NFU1: variants seen among roughly 807,000 people sequenced by gnomAD.
The protein encoded by NFU1 is NFU1 iron-sulfur cluster scaffold, also known as NFU1 iron-sulfur cluster scaffold homolog, mitochondrial.
Under a neutral mutation model 32.2 loss-of-function variants are expected in NFU1, and 30 were observed. The ratio of observed to expected loss-of-function variants is 0.93; its 90% CI spans 0.70 to 1.26. The LOEUF (loss-of-function observed/expected upper bound fraction) is 1.26. NFU1 is among the 50% of genes most tolerant of loss of function. NFU1 has a pLI of 0.00. For synonymous variants in NFU1, 112 were observed against 104.6 expected, an observed-to-expected ratio of 1.07 and a Z score of -0.43; for missense variants, 306 against 306.6, an observed-to-expected ratio of 1.00 and a Z score of 0.02.
intron 6 of NFU1, among the ~76,000 whole-genome samples, chr2:69,403,392 AT>A (rs199867879): frequency 4.9e-4 from 71 of 144,086 alleles, no homozygotes; most frequent in African/African-American, 9.1e-4. Context: ...GGTTTGATTC[AT>A]TTTTTTTTTT....
chr2:69,397,519 T>C (rs750684187), intron 7 of NFU1, among the ~76,000 whole-genome samples: 2 of 152,066 alleles, frequency 1.3e-5, no homozygotes, highest in African/African-American at 2.4e-5. Flanking sequence ...CCCTGGACAA[T>C]TGAATAAAAA....
chr2:69,413,012 C>T (rs986863722), intron 5 of NFU1, among the ~76,000 whole-genome samples: 2 of 151,848 alleles, frequency 1.3e-5, no homozygotes, highest in Admixed American at 1.3e-4. Context: ...AACAAGATAC[C>T]GGCCAGGCTC....
chr2:69,432,947 C>T (rs1381581364), intron 1 of NFU1, among the ~76,000 whole-genome samples: 4 of 151,742 alleles, frequency 2.6e-5, no homozygotes, highest in South Asian at 4.2e-4. Context: ...GTCAGGAGTT[C>T]GAGACGAGCC....
At chr2:69,437,682 C>T, upstream of NFU1, 1 of 587,352 alleles carries the variant, frequency 1.7e-6, no homozygotes, top group East Asian at 2.9e-5. Flanking sequence ...ATGCGTGTTT[C>T]CGTACTTTGT....
At chr2:69,429,098 CTG>C (rs1351135551) in intron 2 of NFU1, among the ~76,000 whole-genome samples, 1 of 152,126 alleles carries the variant, frequency 6.6e-6, no homozygotes. Flanking sequence ...TTCTGAAAAT[CTG>C]TGTTATAAGG....
At chr2:69,435,148 T>C (rs1391541815) in intron 1 of NFU1, among the ~76,000 whole-genome samples, 1 of 152,220 alleles carries the variant, frequency 6.6e-6, no homozygotes, top group African/African-American at 2.4e-5. Flanking sequence ...CCTGGTGGTC[T>C]TTCATTAGCT....
intron 4 of NFU1, chr2:69,416,078 G>C (rs1008983199): frequency 1.3e-5 from 2 of 151,140 alleles, no homozygotes; most frequent in African/African-American, 4.9e-5. Context: ...GAAGGTAAAA[G>C]GGAAAGGAAA....
At chr2:69,424,252 C>T (rs1673381622) in intron 2 of NFU1, among the ~76,000 whole-genome samples, 2 of 136,196 alleles carry the variant, frequency 1.5e-5, no homozygotes, top group Non-Finnish European at 3.1e-5. Flanking sequence ...TAGTTTTCTA[C>T]TAACACTCTG....
At chr2:69,423,772 T>C (rs1434853740) in intron 2 of NFU1, 55 bp from the exon 3 acceptor site, 5 of 1,344,172 alleles carry the variant, frequency 3.7e-6, no homozygotes, top group South Asian at 2.4e-5. Context: ...AACAAGTTTA[T>C]GGACTATGAA....
Position 69,396,143 on chromosome 2 carries a change from C to A in NFU1, c.*103G>T. 2.2e-6 allele frequency: 2 copies of A among 906,310 alleles called. No individual in the cohort carries two copies. Among genetic ancestry groups the A allele is most frequent in the South Asian group, 1.4e-5 (1 of 69,914 alleles). The allele number at this position is 906,310 out of a possible 1,614,324, so 56.1% of individuals were successfully genotyped here. A position where few individuals can be genotyped will look rare whatever the true frequency, so the allele number is the denominator to read the frequency against. On this transcript the variant is annotated 3_prime_UTR_variant, in exon 8 of 8. Coordinates refer to ENST00000410022, the MANE Select transcript of NFU1 (RefSeq NM_001002755.4). ...TATTTATATATCATTCTCTGAAGAG[C>A]ATATTTTATTAATCTTCAAGTTCCT...
rs1269813952 is a variant in NFU1, at chr2:69,431,897, T to G, written c.166+5A>C. 6.3e-7 allele frequency: 1 copy of G among 1,589,244 alleles called. No individual in the cohort carries two copies. The highest frequency in any genetic ancestry group is 1.7e-5 in the Admixed American group (1 of 59,994). ...ACAACTGCTATAAAAGAGGTGAAAT[T>G]TTACCTGGGTGATAAAAGGCTGCAG... On this transcript the variant is annotated splice_donor_5th_base_variant and intron_variant, in intron 2 of 7. Transcript: ENST00000410022.
intron 3 of NFU1, among the ~76,000 whole-genome samples, chr2:69,422,563 A>AT (rs1176464006): frequency 6.6e-6 from 1 of 152,040 alleles, no homozygotes; most frequent in Non-Finnish European, 1.5e-5. Flanking sequence ...TAAAAATCAG[A>AT]TTTTTTAAGA....
In NFU1 at chr2:69,407,962, G is replaced by A. The variant is rs112163284; in HGVS notation, c.485-1880C>T. On this transcript the variant is annotated intron_variant, in intron 5 of 7. Coordinates refer to ENST00000410022, the MANE Select transcript of NFU1 (RefSeq NM_001002755.4). Reference sequence around the variant, plus strand: ...CAGGAGGTGGAGGTGGCAGTGAGCCGAGATCGCACCACCGCACTCCAGCCT... The same window carrying A: ...CAGGAGGTGGAGGTGGCAGTGAGCCAAGATCGCACCACCGCACTCCAGCCT... 3.9e-3 allele frequency among the ~76,000 whole-genome samples: 576 copies of A among 148,046 alleles called. 4 individuals carry two copies. Among genetic ancestry groups the A allele is most frequent in the African/African-American group, 0.013 (543 of 40,250 alleles).
At chr2:69,437,248 G>A (rs982608070) in intron 1 of NFU1, 113 bp downstream of exon 1, 1 of 1,501,892 alleles carries the variant, frequency 6.7e-7, no homozygotes. Context: ...GGACCCGCCG[G>A]CTCCATCAGA....
chr2:69,404,615 A>ATATTTTTTTTTTTTTT (rs1426118283), intron 6 of NFU1, among the ~76,000 whole-genome samples: 15 of 73,008 alleles, frequency 2.1e-4, no homozygotes, highest in South Asian at 1.1e-3. Flanking sequence ...ATCTTAGCAA[A>ATATTTTTTTTTTTTTT]TTTTTTTTTT....
rs1272262379 is a variant in NFU1 at position 69,400,448 on chromosome 2, G to C, written c.636C>G (p.Ser212Arg). ...TCAGAGTAATGATTGAACTAGGGCA[G>C]CTGGTACAAGAACCCTGGAGTTTCA... ...VQLKLQGSCT[S>R]CPSSIITLKN... Residue 212 changes from serine to arginine, a missense_variant, in exon 7 of 8, where the codon AGC becomes AGG. Physicochemically the swap from Ser to Arg is moderately radical, Grantham distance 110 (BLOSUM62 -1). Transcript: ENST00000410022. The C allele has an allele frequency of 3.1e-6, 5 of 1,613,862 alleles. No individual in the cohort carries two copies. In the African/African-American group the frequency reaches 5.3e-5, roughly 17 times the overall value.
In NFU1 at chr2:69,419,532, G is replaced by A; in HGVS notation, c.369+6C>T. 1.3e-6 allele frequency: 2 copies of A among 1,509,264 alleles called. No individual in the cohort carries two copies. The highest frequency in any genetic ancestry group is 1.8e-6 in the Non-Finnish European group (2 of 1,087,794). The allele number at this position is 1,509,264 out of a possible 1,614,324, so 93.5% of individuals were successfully genotyped here. A position where few individuals can be genotyped will look rare whatever the true frequency, so the allele number is the denominator to read the frequency against. ...CAAGTCTTATTTTATATAATCCTAT[G>A]TTTACCTTTGTGACAGTGATGAAAT... On this transcript the variant is annotated splice_donor_region_variant and intron_variant, in intron 4 of 7. Coordinates refer to ENST00000410022, the MANE Select transcript of NFU1 (RefSeq NM_001002755.4).
intron 7 of NFU1, among the ~76,000 whole-genome samples, chr2:69,397,753 A>C (rs1437999019): frequency 6.6e-6 from 1 of 151,944 alleles, no homozygotes; most frequent in Non-Finnish European, 1.5e-5. Context: ...ATCTCTACTA[A>C]AAATATAAAA....
intron 6 of NFU1, among the ~76,000 whole-genome samples, chr2:69,403,020 C>A (rs1672576717): frequency 6.7e-6 from 1 of 149,144 alleles, no homozygotes; most frequent in African/African-American, 2.5e-5. Context: ...TCACTTCCTT[C>A]CTCCCTCCCT....
Sources: allele counts gnomAD v4.1 joint callset (sites outside exome capture counted in the v4.1 genomes callset), GRCh38; gene constraint gnomAD v4.1.1; transcripts MANE v1.5; gene names NCBI Gene and HGNC (gene_info 2026-07-23, HGNC 2026-07-21).